The following MYO1B variants were observed in gnomAD, a reference collection of about 807,000 sequenced individuals.
MYO1B encodes the protein unconventional myosin-Ib.
In MYO1B, 72 loss-of-function variants were observed where a neutral mutation model predicts 159.7. That is an observed-to-expected ratio of 0.45 (90% confidence interval 0.37 to 0.55). The LOEUF (loss-of-function observed/expected upper bound fraction) is 0.55, where lower values mean the gene tolerates loss of function less well. Among genes scored for constraint, MYO1B ranks in the 20% least tolerant of loss-of-function variants. The probability of loss-of-function intolerance (pLI) is 0.00; values close to 1 mark genes in which losing one functional copy is unlikely to be tolerated. For missense variants in MYO1B, 1,062 were observed against 1,364.8 expected (o/e 0.78, Z 3.50); for synonymous variants, 468 against 473.8 (o/e 0.99, Z 0.16).
At chr2:191,329,655 T>G (rs1002940458) in intron 3 of MYO1B, among the ~76,000 whole-genome samples, 6 of 147,840 alleles carry the variant, frequency 4.1e-5, no homozygotes, top group Admixed American at 3.4e-4. Flanking sequence ...AATTATTTAT[T>G]TATATAAATA....
At chr2:191,412,704 T>C (rs1437022828) in intron 27 of MYO1B, among the ~76,000 whole-genome samples, 1 of 152,222 alleles carries the variant, frequency 6.6e-6, no homozygotes, top group African/African-American at 2.4e-5. Context: ...AAATGAAGCT[T>C]ATAGATTCCT....
chr2:191,270,669 A>G (rs138884320), intron 1 of MYO1B, among the ~76,000 whole-genome samples: 306 of 152,328 alleles, frequency 2.0e-3, no homozygotes, highest in African/African-American at 7.2e-3. Flanking sequence ...ACTGAACCAC[A>G]TCCTACAGAC....
chr2:191,402,514 G>A, intron 23 of MYO1B, 118 bp from the exon 24 acceptor site: 7 of 847,578 alleles, frequency 8.3e-6, no homozygotes, highest in Non-Finnish European at 1.4e-5. Flanking sequence ...CTGTTCCTCT[G>A]TCATTCTGAA....
At chr2:191,332,472 T>C (rs1691553114) in intron 4 of MYO1B, among the ~76,000 whole-genome samples, 1 of 152,162 alleles carries the variant, frequency 6.6e-6, no homozygotes, top group Non-Finnish European at 1.5e-5. Flanking sequence ...TTAATTTTGG[T>C]CCATTGTTAC....
intron 30 of MYO1B, among the ~76,000 whole-genome samples, chr2:191,417,866 T>C (rs1016268784): frequency 6.6e-6 from 1 of 152,142 alleles, no homozygotes; most frequent in African/African-American, 2.4e-5. Flanking sequence ...ACCACAGAGC[T>C]CCTTCAGCAG....
In MYO1B at chr2:191,414,070, G is replaced by T; in HGVS notation, c.2896G>T (p.Ala966Ser). 1.2e-6 allele frequency: 2 copies of T among 1,611,588 alleles called. No individual in the cohort carries two copies. The highest frequency in any genetic ancestry group is 1.7e-6 in the Non-Finnish European group (2 of 1,178,964). ...TAGTGTTGGGCAACCATTCCAAGGG[G>T]CTTACCTGGAAATCAACAAGAACCC... ...PSSVGQPFQG[A>S]YLEINKNPKY... The change falls in exon 28 of 31, where the codon GCT becomes TCT. Residue 966 changes from alanine to serine, a missense_variant. Transcript: ENST00000392318.
intron 3 of MYO1B, among the ~76,000 whole-genome samples, chr2:191,299,707 A>G (rs1689194445): frequency 1.3e-5 from 2 of 152,360 alleles, no homozygotes; most frequent in Middle Eastern, 3.4e-3. Flanking sequence ...TTCAAGTCCC[A>G]GGTCTTCCAT....
chr2:191,329,185 G>A lies in MYO1B; in HGVS notation c.252-750G>A, dbSNP rs141919898. Among the ~76,000 whole-genome samples, 529 of 152,284 alleles carry A rather than the reference G, an allele frequency of 3.5e-3. 3 individuals are homozygous for A. Among genetic ancestry groups the A allele is most frequent in the Middle Eastern group, 0.01 (3 of 294 alleles). ...TTACTTTAGTAAATTTTGAAGTGGG[G>A]AAGAGCAACAGGACCACTGCTCTGG... On this transcript the variant is annotated intron_variant, in intron 3 of 30. Coordinates refer to ENST00000392318, the MANE Select transcript of MYO1B (RefSeq NM_001130158.3).
chr2:191,276,485 T>C (rs1687756113), intron 1 of MYO1B, among the ~76,000 whole-genome samples: 1 of 152,222 alleles, frequency 6.6e-6, no homozygotes, highest in African/African-American at 2.4e-5. Context: ...CAGCATCATT[T>C]TTTATCATCT....
intron 16 of MYO1B, among the ~76,000 whole-genome samples, chr2:191,386,682 A>AG (rs1695418302): frequency 6.6e-6 from 1 of 152,256 alleles, no homozygotes; most frequent in Admixed American, 6.5e-5. Flanking sequence ...AAGGGAAAAA[A>AG]ACTTCTTGAT....
intron 2 of MYO1B, among the ~76,000 whole-genome samples, chr2:191,295,616 A>G (rs1454439423): frequency 6.6e-6 from 1 of 152,172 alleles, no homozygotes; most frequent in African/African-American, 2.4e-5. Context: ...CATTGTGGAA[A>G]GATTGACAGA....
chr2:191,280,493 C>T (rs1482114999), intron 2 of MYO1B, among the ~76,000 whole-genome samples: 8 of 152,174 alleles, frequency 5.3e-5, no homozygotes, highest in Non-Finnish European at 1.0e-4. Context: ...TTTGCATTCC[C>T]GCATCGCGCT....
chr2:191,394,465 G>A (rs1695944404), intron 20 of MYO1B, among the ~76,000 whole-genome samples: 1 of 152,204 alleles, frequency 6.6e-6, no homozygotes, highest in Non-Finnish European at 1.5e-5. Flanking sequence ...CATCTGTCTT[G>A]AATTCTACAA....
chr2:191,414,541 A>G lies in MYO1B; in HGVS notation c.3031A>G (p.Thr1011Ala). The G allele has an allele frequency of 6.2e-7, 1 of 1,610,146 alleles. No individual in the cohort carries two copies. Among genetic ancestry groups the G allele is most frequent in the Admixed American group, 1.7e-5 (1 of 59,120 alleles). The change falls in exon 29 of 31, where the codon ACA (threonine) becomes GCA (alanine). Residue 1011 changes from threonine to alanine, a missense_variant. Physicochemically the swap from Thr to Ala is moderately conservative, Grantham distance 58 (BLOSUM62 0). Around this residue, in one of 5 missense-constraint regions of MYO1B, gnomAD observed 609 missense variants for 744.4 expected, o/e 0.82. Coordinates refer to ENST00000392318, the MANE Select transcript of MYO1B (RefSeq NM_001130158.3). Reference protein sequence around the residue: ...GKSTSRIFLLTNNNLLLADQK... With the variant: ...GKSTSRIFLLANNNLLLADQK... Reference sequence around the variant, plus strand: ...GAGTACATCTCGGATTTTCCTCTTAACAAACAATAATCTCCTTCTTGCTGA... The same window carrying G: ...GAGTACATCTCGGATTTTCCTCTTAGCAAACAATAATCTCCTTCTTGCTGA...
At chr2:191,340,331 A>G (rs548721106) in intron 4 of MYO1B, among the ~76,000 whole-genome samples, 14 of 152,268 alleles carry the variant, frequency 9.2e-5, no homozygotes, top group African/African-American at 3.4e-4. Context: ...GTTTCACTGC[A>G]TCTGACTCAC....
chr2:191,400,426 G>A lies in MYO1B; in HGVS notation c.2340G>A (p.Lys780=), dbSNP rs775195122. Residue 780 remains lysine, a synonymous_variant, in exon 22 of 31, where the codon AAG becomes AAA. Coordinates refer to ENST00000392318, the MANE Select transcript of MYO1B (RefSeq NM_001130158.3). ...AACTGAAGCATCAAAAGCGCTGTAA[G>A]GAAGCAGTCACGACCATTGCTGCAT... The part of the protein sequence containing the change: ...LRELKHQKRC[K]EAVTTIAAYW... 1 of 1,614,148 alleles carries A rather than the reference G, an allele frequency of 6.2e-7. No individual in the cohort carries two copies. Among genetic ancestry groups the A allele is most frequent in the South Asian group, 1.1e-5 (1 of 91,080 alleles).
rs114834978 is a variant in MYO1B, at chr2:191,258,934, T to C, written c.-10+13308T>C. ...TTTGAAGTGACCTTTTTGTGTCTCATGGACCCTGGGCTGTAGTACCTGACT... is the reference window on the plus strand; with the variant it reads ...TTTGAAGTGACCTTTTTGTGTCTCACGGACCCTGGGCTGTAGTACCTGACT... On this transcript the variant is annotated intron_variant, in intron 1 of 30. Coordinates refer to ENST00000392318, the MANE Select transcript of MYO1B (RefSeq NM_001130158.3). Among the ~76,000 whole-genome samples, 1,155 of 152,366 alleles carry C rather than the reference T, an allele frequency of 7.6e-3. 2 individuals are homozygous for C. The highest frequency in any genetic ancestry group is 0.018 in the Admixed American group (275 of 15,312).
intron 2 of MYO1B, among the ~76,000 whole-genome samples, chr2:191,289,817 A>G (rs572882784): frequency 3.6e-4 from 55 of 152,022 alleles, no homozygotes; most frequent in Non-Finnish European, 6.9e-4. Context: ...AAAGATCTCT[A>G]TCTTACCCTG....
intron 3 of MYO1B, among the ~76,000 whole-genome samples, chr2:191,317,111 T>C (rs1690401828): frequency 6.6e-6 from 1 of 152,122 alleles, no homozygotes; most frequent in African/African-American, 2.4e-5. Flanking sequence ...TAGCAAGCCA[T>C]GATGGAGGGA....
Sources: gnomAD v4.1 joint callset for allele counts (sites outside exome capture counted in the v4.1 genomes callset) on GRCh38, gnomAD v4.1.1 for gene constraint, gnomAD v4.1.1 regional missense constraint, MANE v1.5 for transcripts, NCBI Gene and HGNC (gene_info 2026-07-23, HGNC 2026-07-21) for gene names.